Variants in MELTF observed in about 807,000 individuals in gnomAD.
The protein encoded by MELTF is melanotransferrin, also known as antigen p97 (melanoma associated) identified by monoclonal antibodies 133.2 and 96.5.
MELTF carries 67 observed loss-of-function variants against 83.7 expected under a neutral mutation model. The ratio of observed to expected loss-of-function variants is 0.80; its 90% CI spans 0.66 to 0.98. The LOEUF (loss-of-function observed/expected upper bound fraction) is 0.98. MELTF is among the 50% of genes least tolerant of loss of function. MELTF has a pLI of 0.00. For missense variants in MELTF, 1,002 were observed against 1,035.6 expected, an observed-to-expected ratio of 0.97 and a Z score of 0.44; for synonymous variants, 462 against 447.6, an observed-to-expected ratio of 1.03 and a Z score of -0.41.
rs78019994 is a variant in MELTF, at chr3:197,015,342, C to T, written c.1233+23G>A. On this transcript the variant is annotated intron_variant, in intron 9 of 15. Transcript: ENST00000296350. ...TGCCACCACCCGCCCACCTGGCCCA[C>T]GCTGCACCTGCGTGACTCCCACCTG... The T allele has an allele frequency of 2.9e-3, 4,406 of 1,541,634 alleles. 73 individuals carry two copies. In the East Asian group the frequency reaches 0.031, roughly 11 times the overall value.
chr3:197,005,911 G>A (rs1350273299), intron 14 of MELTF, among the ~76,000 whole-genome samples: 1 of 106,260 alleles, frequency 9.4e-6, no homozygotes, highest in Non-Finnish European at 1.9e-5. Flanking sequence ...CTCTTTGGAG[G>A]AGTTTTGCTT....
intron 6 of MELTF, among the ~76,000 whole-genome samples, chr3:197,017,974 G>A (rs574104174): frequency 4.7e-4 from 72 of 152,010 alleles, no homozygotes; most frequent in Middle Eastern, 3.4e-3. Flanking sequence ...CTCTGAGCAG[G>A]GGGCAGGGGG....
intron 6 of MELTF, chr3:197,019,680 G>C (rs376704790): frequency 3.1e-5 from 50 of 1,613,814 alleles, no homozygotes; most frequent in Non-Finnish European, 4.2e-5. Context: ...GCCTGTGAAC[G>C]GGAGCCCATT....
chr3:197,029,402 C>G lies in MELTF; in HGVS notation c.49+252G>C. On this transcript the variant is annotated intron_variant, in intron 1 of 15. Transcript: ENST00000296350. The surrounding 1 kb of genome is among the most constrained non-coding windows in gnomAD (Gnocchi z 6.5). ...GGCCTCCCCACCACGCCTCAGCCCG[C>G]GCTTCTCCTTGGAGCGTCGGAAGCC... 1 of 381,026 alleles carries G rather than the reference C, an allele frequency of 2.6e-6. No individual in the cohort carries two copies. The highest frequency in any genetic ancestry group is 4.6e-6 in the Non-Finnish European group (1 of 215,432). The allele number at this position is 381,026 out of a possible 1,614,324, so 23.6% of individuals were successfully genotyped here.
Position 197,003,167 on chromosome 3 carries a change from T to C in MELTF, c.*205A>G. 1 of 420,718 alleles carries C rather than the reference T, an allele frequency of 2.4e-6. No homozygotes were observed. The highest frequency in any genetic ancestry group is 3.2e-6 in the Non-Finnish European group (1 of 312,220). 26.1% of individuals were successfully genotyped at this position (420,718 alleles called of 1,614,324 possible). On this transcript the variant is annotated 3_prime_UTR_variant, in exon 16 of 16. Transcript: ENST00000296350. The surrounding 1 kb of genome is among the most constrained non-coding windows in gnomAD (Gnocchi z 6.2). ...GCTCCAGGTGGCGGGAGGCGGCGGTTGGCGGGAAGGGCCGCGCGGGCCCGG... is the reference window on the plus strand; with the variant it reads ...GCTCCAGGTGGCGGGAGGCGGCGGTCGGCGGGAAGGGCCGCGCGGGCCCGG...
Position 197,008,615 on chromosome 3 carries a change from TC to T in MELTF, c.1750+41del. On this transcript the variant is annotated intron_variant, in intron 13 of 15. Coordinates refer to ENST00000296350, the MANE Select transcript of MELTF (RefSeq NM_005929.6). This position sits in a 1 kb window ranked among gnomAD's most constrained non-coding sequence, Gnocchi z 5.4. Reference sequence around the variant, plus strand: ...GGATGGTGCTGAAGATGGGGAACAGTCCCCCCGACCTACCTTTGGCCCTGCT... The same window carrying T: ...GGATGGTGCTGAAGATGGGGAACAGTCCCCCGACCTACCTTTGGCCCTGCT... 2.5e-6 allele frequency: 4 copies of T among 1,588,050 alleles called. No individual in the cohort carries two copies. Among genetic ancestry groups the T allele is most frequent in the East Asian group, 2.2e-5 (1 of 44,698 alleles).
At position 197,029,459 on chromosome 3, in the gene MELTF, C is replaced by G. The variant is rs1719997948; in HGVS notation, c.49+195G>C. ...GTTCGAGGCCGCCTCCTCCAAGAAG[C>G]CTTCCAGACTTCCCCGTCTGCGCTT... On this transcript the variant is annotated intron_variant, in intron 1 of 15. Coordinates refer to ENST00000296350, the MANE Select transcript of MELTF (RefSeq NM_005929.6). This position sits in a 1 kb window ranked among gnomAD's most constrained non-coding sequence, Gnocchi z 6.5. Among the ~76,000 whole-genome samples, 3 of 152,142 alleles carry G rather than the reference C, an allele frequency of 2.0e-5. No individual in the cohort carries two copies. The South Asian group carries it at 6.2e-4, about 32-fold the overall frequency.
intron 9 of MELTF, among the ~76,000 whole-genome samples, chr3:197,012,874 G>A (rs1351003301): frequency 1.3e-5 from 2 of 152,206 alleles, no homozygotes; most frequent in Non-Finnish European, 2.9e-5. Flanking sequence ...GATTAGAATA[G>A]AATACATTAG....
chr3:197,028,036 T>G, intron 1 of MELTF, 126 bp from the exon 2 acceptor site: 5 of 1,121,274 alleles, frequency 4.5e-6, no homozygotes, highest in Non-Finnish European at 5.0e-6. Context: ...AGGGCAGCCC[T>G]GCCCTCCCAC....
In MELTF at chr3:197,021,477, G is replaced by A. The variant is rs1324791299; in HGVS notation, c.645-6C>T. ...CTGCCCCTTCCGCCAGGCACCTGCG[G>A]AGGAGAAGCTGTGGGTCTGGATGGG... On this transcript the variant is annotated splice_region_variant and splice_polypyrimidine_tract_variant and intron_variant, in intron 5 of 15. Transcript: ENST00000296350. The A allele has an allele frequency of 6.2e-7, 1 of 1,613,298 alleles. No individual in the cohort carries two copies. The highest frequency in any genetic ancestry group is 1.7e-5 in the Admixed American group (1 of 60,004).
intron 4 of MELTF, among the ~76,000 whole-genome samples, chr3:197,023,476 G>A (rs1421324460): frequency 6.6e-6 from 1 of 152,206 alleles, no homozygotes; most frequent in African/African-American, 2.4e-5. Flanking sequence ...AAGAATTATT[G>A]AAGATCACTG....
chr3:197,017,776 C>A (rs1056930704), intron 6 of MELTF, among the ~76,000 whole-genome samples: 1 of 152,102 alleles, frequency 6.6e-6, no homozygotes, highest in Non-Finnish European at 1.5e-5. Context: ...ACTGGGGAGG[C>A]TGAGGCAGGA....
In MELTF at chr3:197,017,247, G is replaced by A. The variant is rs1347211744; in HGVS notation, c.756C>T (p.Asp252=). The change falls in exon 7 of 16, where the codon GAC becomes GAT. Residue 252 remains aspartate (D), a synonymous_variant. Coordinates refer to ENST00000296350, the MANE Select transcript of MELTF (RefSeq NM_005929.6). ...PSWGQALLSQ[D]FELLCRDGSR... ...TACCATCCCGGCACAGCAGCTCGAA[G>A]TCCTGTGACAGCAGGGCCTGGCCCC... The A allele has an allele frequency of 6.3e-7, 1 of 1,585,508 alleles. No individual in the cohort carries two copies.
Position 197,003,006 on chromosome 3 carries a change from G to A in MELTF, c.*366C>T, listed in dbSNP as rs1184217830. ...CCTCGGCGGCCACCGCGTCCCCAGG[G>A]GGCCTCGCGGACGGGGGCGCGGGGC... is the stretch of plus-strand genomic sequence containing the variant. On this transcript the variant is annotated 3_prime_UTR_variant, in exon 16 of 16. Coordinates refer to ENST00000296350, the MANE Select transcript of MELTF (RefSeq NM_005929.6). This position sits in a 1 kb window ranked among gnomAD's most constrained non-coding sequence, Gnocchi z 6.2. The A allele has an allele frequency of 6.7e-6, 1 of 150,178 alleles. No individual in the cohort carries two copies. The highest frequency in any genetic ancestry group is 1.5e-5 in the Non-Finnish European group (1 of 67,412). 9.3% of individuals were successfully genotyped at this position (150,178 alleles called of 1,614,324 possible).
intron 3 of MELTF, chr3:197,025,436 AG>A (rs753239366): frequency 6.6e-6 from 1 of 152,292 alleles, no homozygotes; most frequent in Non-Finnish European, 1.5e-5. Context: ...TCACCTCTGC[AG>A]AGCACCGTCC....
At chr3:197,019,066 A>G (rs1719516151) in intron 6 of MELTF, 1 of 985,532 alleles carries the variant, frequency 1.0e-6, no homozygotes, top group Non-Finnish European at 1.2e-6. Context: ...CTGCAAAGCT[A>G]TTTTAAAACA....
At position 197,002,742 on chromosome 3, in the gene MELTF, T is replaced by G. The variant is rs1377479244; in HGVS notation, c.*630A>C. 4.6e-5 allele frequency: 7 copies of G among 151,986 alleles called. No individual in the cohort carries two copies. In the East Asian group the frequency reaches 1.4e-3, roughly 30 times the overall value. 9.4% of individuals were successfully genotyped at this position (151,986 alleles called of 1,614,324 possible). On this transcript the variant is annotated 3_prime_UTR_variant, in exon 16 of 16. Coordinates refer to ENST00000296350, the MANE Select transcript of MELTF (RefSeq NM_005929.6). The stretch of plus-strand genomic sequence containing the variant: ...CGGGATGGAGCTGGCGCGGCCACAG[T>G]GGGGGACGAGGCAGGGCACGCGGCG...
Position 197,024,509 on chromosome 3 carries a change from A to G in MELTF, c.305-24T>C, listed in dbSNP as rs1553848600. ...CTCTAGGAGGGGAGGGGAGTGGGTG[A>G]GGGCAGCAGGGAGAGGCCTCGAGAG... On this transcript the variant is annotated intron_variant, in intron 3 of 15. Coordinates refer to ENST00000296350, the MANE Select transcript of MELTF (RefSeq NM_005929.6). This position sits in a 1 kb window ranked among gnomAD's most constrained non-coding sequence, Gnocchi z 5.3. 2 of 1,546,880 alleles carry G rather than the reference A, an allele frequency of 1.3e-6. No individual in the cohort carries two copies. Among genetic ancestry groups the G allele is most frequent in the Non-Finnish European group, 8.8e-7 (1 of 1,139,550 alleles).
In MELTF at chr3:197,006,517, C is replaced by T; in HGVS notation, c.1938+32G>A. 6.3e-7 allele frequency: 1 copy of T among 1,597,814 alleles called. No individual in the cohort carries two copies. Among genetic ancestry groups the T allele is most frequent in the Non-Finnish European group, 8.5e-7 (1 of 1,171,380 alleles). ...GGGCTCAGCTTACCTCTGCTGCACA[C>T]CCCTCAATGAGGTAGCCCCACCCTG... On this transcript the variant is annotated intron_variant, in intron 14 of 15. Coordinates refer to ENST00000296350, the MANE Select transcript of MELTF (RefSeq NM_005929.6). The surrounding 1 kb of genome is among the most constrained non-coding windows in gnomAD (Gnocchi z 5.4).
Sources: gnomAD v4.1 joint callset for allele counts (sites outside exome capture counted in the v4.1 genomes callset) on GRCh38, gnomAD v4.1.1 for gene constraint, Gnocchi (gnomAD v3.1) non-coding constraint, MANE v1.5 for transcripts, NCBI Gene and HGNC (gene_info 2026-07-23, HGNC 2026-07-21) for gene names.